Variants in AFAP1L1 observed in about 807,000 individuals in gnomAD.
AFAP1L1 encodes the protein actin filament-associated protein 1-like 1.
In AFAP1L1, 77 loss-of-function variants were observed where a neutral mutation model predicts 99.8. The observed-to-expected ratio is 0.77, with a 90% CI of 0.64 to 0.93. The LOEUF is 0.93. Ranked by LOEUF, AFAP1L1 falls within the 40% of genes least tolerant of loss-of-function variation. The pLI, the probability that AFAP1L1 is intolerant of heterozygous loss-of-function variation, is 0.00. For missense variants in AFAP1L1, 893 were observed against 996.8 expected (o/e 0.90, Z 1.40); for synonymous variants, 373 against 395.3 (o/e 0.94, Z 0.67).
chr5:149,296,548 TGTGA>T (rs1756023250), intron 1 of AFAP1L1, among the ~76,000 whole-genome samples: 2 of 152,094 alleles, frequency 1.3e-5, no homozygotes, highest in African/African-American at 4.8e-5. Context: ...TTGCCTCCCT[TGTGA>T]GTAATTACCT....
intron 16 of AFAP1L1, 127 bp from the exon 17 acceptor site, chr5:149,332,568 T>C (rs73795979): frequency 0.01 from 9,809 of 963,568 alleles, 135 homozygotes; most frequent in African/African-American, 0.054. Context: ...CCAGAGTCCA[T>C]CTCTTAACCA....
At chr5:149,303,347 C>T (rs1756293258) in intron 5 of AFAP1L1, among the ~76,000 whole-genome samples, 1 of 152,116 alleles carries the variant, frequency 6.6e-6, no homozygotes, top group Non-Finnish European at 1.5e-5. Flanking sequence ...CATCGGCTTC[C>T]TCCAGCATTG....
At chr5:149,293,687 A>G (rs894202346) in intron 1 of AFAP1L1, among the ~76,000 whole-genome samples, 2 of 152,224 alleles carry the variant, frequency 1.3e-5, no homozygotes, top group African/African-American at 4.8e-5. Flanking sequence ...ATAGTTGTGG[A>G]AAGTATTAGA....
Position 149,310,138 on chromosome 5 carries a change from G to A in AFAP1L1, c.927+3G>A, listed in dbSNP as rs1343889921. On this transcript the variant is annotated splice_donor_region_variant and intron_variant, in intron 8 of 18. Coordinates refer to ENST00000296721, the MANE Select transcript of AFAP1L1 (RefSeq NM_152406.4). ...AGCAGGCCGAGGAGTGGCTGAAGGT[G>A]CGTGGCCTGCACCTGACCTTCCCGC... is the stretch of plus-strand genomic sequence containing the variant. 1.3e-6 allele frequency: 2 copies of A among 1,588,410 alleles called. No individual in the cohort carries two copies. The highest frequency in any genetic ancestry group is 1.7e-5 in the Admixed American group (1 of 58,368).
At chr5:149,334,710 G>A (rs1329157930) in intron 17 of AFAP1L1, among the ~76,000 whole-genome samples, 2 of 152,018 alleles carry the variant, frequency 1.3e-5, no homozygotes, top group African/African-American at 4.8e-5. Flanking sequence ...CCAGGAGTTC[G>A]AAACCAGCCT....
intron 2 of AFAP1L1, 85 bp from the exon 3 acceptor site, chr5:149,300,186 C>A: frequency 1.1e-6 from 1 of 890,206 alleles, no homozygotes; most frequent in Non-Finnish European, 1.7e-6. Flanking sequence ...GCACTGTGTC[C>A]CATGTGGGCT....
chr5:149,319,823 G>A (rs1756902439), intron 13 of AFAP1L1, 96 bp downstream of exon 13: 1 of 1,517,864 alleles, frequency 6.6e-7, no homozygotes, highest in Non-Finnish European at 8.9e-7. Flanking sequence ...GGGAGGGAAG[G>A]GAGGAGCTAA....
chr5:149,305,527 C>T (rs1290122392), intron 5 of AFAP1L1, among the ~76,000 whole-genome samples: 1 of 152,168 alleles, frequency 6.6e-6, no homozygotes, highest in African/African-American at 2.4e-5. Context: ...GAACCAGAAT[C>T]TCTGGAGATA....
rs372800883 is a variant in AFAP1L1, at chr5:149,299,596, T to C, written c.104T>C (p.Met35Thr). Residue 35 changes from methionine to threonine, a missense_variant, in exon 2 of 19, where the codon ATG (methionine) becomes ACG (threonine). By Grantham distance (81) the Met-to-Thr change is moderately conservative (BLOSUM62 -1). Transcript: ENST00000296721. ...YLSDTTLEKK[M>T]AVASILQSLQ... Reference sequence around the variant, plus strand: ...AGCGATACCACCCTGGAAAAGAAGATGGCCGTGGCCTCCATCCTGCAGAGC... The same window carrying C: ...AGCGATACCACCCTGGAAAAGAAGACGGCCGTGGCCTCCATCCTGCAGAGC... 4.8e-5 allele frequency: 78 copies of C among 1,614,080 alleles called. No individual in the cohort carries two copies. In the African/African-American group the frequency reaches 9.6e-4, roughly 20 times the overall value.
chr5:149,279,207 T>C (rs1204155849), intron 1 of AFAP1L1, among the ~76,000 whole-genome samples: 1 of 152,182 alleles, frequency 6.6e-6, no homozygotes, highest in Non-Finnish European at 1.5e-5. Context: ...GAAGAGGTAA[T>C]AGAAAGTTTC....
chr5:149,317,738 A>C lies in AFAP1L1; in HGVS notation c.1277A>C (p.Asn426Thr), dbSNP rs1206961571. Reference protein sequence around the residue: ...EEEVPCCGYLNVLVNQGWKER... With the variant: ...EEEVPCCGYLTVLVNQGWKER... ...CCATTGTCTCCTCCAGGCTACCTGA[A>C]CGTGCTGGTGAACCAGGGCTGGAAG... Residue 426 changes from asparagine to threonine, a missense_variant, in exon 12 of 19, where the codon AAC becomes ACC. By Grantham distance (65) the Asn-to-Thr change is moderately conservative. Transcript: ENST00000296721. The C allele has an allele frequency of 3.4e-5, 55 of 1,613,862 alleles. No homozygotes were observed. Among genetic ancestry groups the C allele is most frequent in the Non-Finnish European group, 4.6e-5 (54 of 1,179,968 alleles).
chr5:149,314,747 T>C (rs760811806), intron 9 of AFAP1L1, among the ~76,000 whole-genome samples: 16 of 152,222 alleles, frequency 1.1e-4, no homozygotes, highest in Non-Finnish European at 1.9e-4. Context: ...CCCGGTGCTA[T>C]GCTTATGGTG....
At chr5:149,331,245 T>C (rs1303184800) in intron 16 of AFAP1L1, among the ~76,000 whole-genome samples, 4 of 152,240 alleles carry the variant, frequency 2.6e-5, no homozygotes, top group Non-Finnish European at 4.4e-5. Context: ...GACACCAGCC[T>C]GAGCAACATA....
At chr5:149,316,845 T>C (rs1022980508) in intron 11 of AFAP1L1, among the ~76,000 whole-genome samples, 2 of 152,324 alleles carry the variant, frequency 1.3e-5, no homozygotes, top group African/African-American at 4.8e-5. Context: ...GCAGTAATAT[T>C]CTAACCCTGA....
In AFAP1L1 at chr5:149,317,756, G is replaced by A. The variant is rs1342113678; in HGVS notation, c.1295G>A (p.Gly432Asp). 3 of 1,614,048 alleles carry A rather than the reference G, an allele frequency of 1.9e-6. No homozygotes were observed. Among genetic ancestry groups the A allele is most frequent in the Non-Finnish European group, 2.5e-6 (3 of 1,179,980 alleles). Residue 432 changes from glycine to aspartate, a missense_variant, in exon 12 of 19, where the codon GGC (glycine) becomes GAC (aspartate). Gly to Asp is a moderately conservative substitution (Grantham distance 94, BLOSUM62 -1). Transcript: ENST00000296721. ...TACCTGAACGTGCTGGTGAACCAGGGCTGGAAGGAACGCTGGTGCCGCCTG... is the reference window on the plus strand; with the variant it reads ...TACCTGAACGTGCTGGTGAACCAGGACTGGAAGGAACGCTGGTGCCGCCTG... ...CGYLNVLVNQ[G>D]WKERWCRLKC...
intron 1 of AFAP1L1, among the ~76,000 whole-genome samples, chr5:149,273,931 A>G (rs191463081): frequency 1.1e-4 from 17 of 152,230 alleles, no homozygotes; most frequent in African/African-American, 3.4e-4. Flanking sequence ...CAGAGTGACA[A>G]TAGTTCACTT....
chr5:149,318,384 C>T (rs1756858137), intron 12 of AFAP1L1, among the ~76,000 whole-genome samples: 1 of 152,214 alleles, frequency 6.6e-6, no homozygotes, highest in Non-Finnish European at 1.5e-5. Flanking sequence ...CTGGAATCCC[C>T]TCTAAGACTT....
Position 149,307,632 on chromosome 5 carries a change from C to T in AFAP1L1, c.747+19C>T. Reference sequence around the variant, plus strand: ...GCTCCTGGTGAGTGGTCAGCAGCAGCCATGTGCCTCGGCCTCACATGGACT... The same window carrying T: ...GCTCCTGGTGAGTGGTCAGCAGCAGTCATGTGCCTCGGCCTCACATGGACT... On this transcript the variant is annotated intron_variant, in intron 7 of 18. Coordinates refer to ENST00000296721, the MANE Select transcript of AFAP1L1 (RefSeq NM_152406.4). 1 of 1,610,208 alleles carries T rather than the reference C, an allele frequency of 6.2e-7. No individual in the cohort carries two copies. Among genetic ancestry groups the T allele is most frequent in the East Asian group, 2.2e-5 (1 of 44,774 alleles).
chr5:149,322,418 G>A (rs1358806606), intron 14 of AFAP1L1, among the ~76,000 whole-genome samples, 188 bp from the exon 15 acceptor site: 1 of 152,180 alleles, frequency 6.6e-6, no homozygotes, highest in East Asian at 1.9e-4. Flanking sequence ...CAGCAGAAAG[G>A]TATGAGGTTC....
Sources: allele counts gnomAD v4.1 joint callset (sites outside exome capture counted in the v4.1 genomes callset), GRCh38; gene constraint gnomAD v4.1.1; transcripts MANE v1.5; gene names NCBI Gene and HGNC (gene_info 2026-07-23, HGNC 2026-07-21).